The following APBB2 variants were observed in gnomAD, a reference collection of about 807,000 sequenced individuals.
APBB2 encodes amyloid beta precursor protein binding family B member 2.
Under a neutral mutation model 82.5 loss-of-function variants are expected in APBB2, and 38 were observed. That is an observed-to-expected ratio of 0.46 (90% CI 0.36 to 0.60). The LOEUF is 0.60. Ranked by LOEUF, APBB2 falls within the 20% of genes least tolerant of loss-of-function variation. The pLI, the probability that APBB2 is intolerant of heterozygous loss-of-function variation, is 0.00. For missense variants in APBB2, 772 were observed against 972.3 expected (o/e 0.79, Z 2.74); for synonymous variants, 341 against 368.2 (o/e 0.93, Z 0.85).
chr4:40,893,789 C>T (rs1246068591), intron 10 of APBB2, among the ~76,000 whole-genome samples: 2 of 152,008 alleles, frequency 1.3e-5, no homozygotes, highest in African/African-American at 4.8e-5. Flanking sequence ...GCCTGGCCAA[C>T]ATGGCGAAAC....
chr4:40,960,444 C>CA (rs1271055546), intron 6 of APBB2, among the ~76,000 whole-genome samples: 2 of 98,090 alleles, frequency 2.0e-5, no homozygotes, highest in East Asian at 3.6e-4. Flanking sequence ...AATTTTTTTT[C>CA]GGGTTTTTTT....
At chr4:41,066,136 GA>G (rs36009324) in intron 3 of APBB2, among the ~76,000 whole-genome samples, 8,823 of 104,452 alleles carry the variant, frequency 0.084, 555 homozygotes, top group African/African-American at 0.21. Flanking sequence ...ATGTTGATTG[GA>G]AAAAAAAAAA....
At chr4:41,211,538 A>G (rs1470235429) in intron 1 of APBB2, among the ~76,000 whole-genome samples, 1 of 151,914 alleles carries the variant, frequency 6.6e-6, no homozygotes, top group African/African-American at 2.4e-5. Context: ...GCTGGAGTGC[A>G]GTGGCGCGAT....
intron 6 of APBB2, among the ~76,000 whole-genome samples, chr4:41,004,951 T>C (rs565243823): frequency 1.3e-5 from 2 of 151,970 alleles, no homozygotes; most frequent in Admixed American, 1.3e-4. Context: ...ATTCTTGAAC[T>C]ATTGTTAACT....
At chr4:40,989,793 G>A (rs1207799806) in intron 6 of APBB2, among the ~76,000 whole-genome samples, 1 of 152,136 alleles carries the variant, frequency 6.6e-6, no homozygotes, top group Non-Finnish European at 1.5e-5. Flanking sequence ...GGGCAGTGTC[G>A]CAGACAACAT....
At position 41,210,761 on chromosome 4, in the gene APBB2, A is replaced by G. The variant is rs570143697; in HGVS notation, c.-417+3644T>C. 3.6e-4 allele frequency among the ~76,000 whole-genome samples: 55 copies of G among 152,366 alleles called. No homozygotes were observed. The South Asian group carries it at 9.5e-3, about 26-fold the overall frequency. On this transcript the variant is annotated intron_variant, in intron 1 of 17. Coordinates refer to ENST00000508593, the MANE Select transcript of APBB2 (RefSeq NM_004307.2). ...TAAATAACAAATCAAAGATGCTTTA[A>G]AAGAGAATGCTTACTGAATAATAAT...
At chr4:40,955,228 G>T (rs1421742463) in intron 6 of APBB2, among the ~76,000 whole-genome samples, 2 of 152,142 alleles carry the variant, frequency 1.3e-5, no homozygotes, top group African/African-American at 4.8e-5. Flanking sequence ...GCCAGCCTTG[G>T]GAAGGGACAA....
chr4:41,047,424 T>C (rs2063174), intron 4 of APBB2, among the ~76,000 whole-genome samples: 151,932 of 152,408 alleles, frequency 1, 75,729 homozygotes, highest in Middle Eastern at 1. Context: ...CACTTGTGGC[T>C]TGCCTATGGG....
intron 3 of APBB2, among the ~76,000 whole-genome samples, chr4:41,078,664 C>A (rs1560693161): frequency 6.6e-6 from 1 of 152,326 alleles, no homozygotes; most frequent in East Asian, 1.9e-4. Context: ...CAAGGAACAA[C>A]TGGCCGTCTT....
rs1334514088 is a variant in APBB2, at chr4:40,815,825, G to A, written c.*267C>T. 2.6e-6 allele frequency: 1 copy of A among 390,816 alleles called. No individual in the cohort carries two copies. The highest frequency in any genetic ancestry group is 4.7e-6 in the Non-Finnish European group (1 of 213,140). The allele number at this position is 390,816 out of a possible 1,614,324, so 24.2% of individuals were successfully genotyped here. A position where few individuals can be genotyped will look rare whatever the true frequency, so the allele number is the denominator to read the frequency against. On this transcript the variant is annotated 3_prime_UTR_variant, in exon 18 of 18. Transcript: ENST00000508593. ...CTTCTCTGTGTGTGTGTGAAGTTAA[G>A]TAATGTTCACAATATTTACAATAAG...
chr4:40,887,167 A>G (rs1245454260), intron 12 of APBB2, among the ~76,000 whole-genome samples: 4 of 152,200 alleles, frequency 2.6e-5, no homozygotes, highest in Non-Finnish European at 5.9e-5. Flanking sequence ...TGTCATAGCC[A>G]ATCACCTCCT....
At chr4:41,146,912 A>G (rs1430019283) in intron 1 of APBB2, among the ~76,000 whole-genome samples, 2 of 152,206 alleles carry the variant, frequency 1.3e-5, no homozygotes, top group Admixed American at 1.3e-4. Flanking sequence ...GAGAGCCCGA[A>G]CAAACACAAT....
At chr4:41,108,698 C>T (rs114072774) in intron 2 of APBB2, among the ~76,000 whole-genome samples, 21 of 152,332 alleles carry the variant, frequency 1.4e-4, no homozygotes, top group Non-Finnish European at 2.1e-4. Context: ...CTCACCCACC[C>T]CTGGCTGAGC....
At chr4:41,179,355 C>T (rs1770710017) in intron 1 of APBB2, among the ~76,000 whole-genome samples, 1 of 152,140 alleles carries the variant, frequency 6.6e-6, no homozygotes, top group Non-Finnish European at 1.5e-5. Flanking sequence ...TAAATCATAT[C>T]AACATATATA....
intron 2 of APBB2, among the ~76,000 whole-genome samples, chr4:41,121,561 C>A (rs1409430145): frequency 6.6e-6 from 1 of 152,146 alleles, no homozygotes; most frequent in Admixed American, 6.5e-5. Flanking sequence ...CCTGAGGTGT[C>A]CCCTAGGATG....
chr4:40,970,857 G>A (rs894670897), intron 6 of APBB2, among the ~76,000 whole-genome samples: 10 of 152,248 alleles, frequency 6.6e-5, no homozygotes, highest in African/African-American at 1.7e-4. Flanking sequence ...ATCACCTTAA[G>A]TCCAGCAAAA....
At chr4:40,879,738 C>T (rs916063689) in intron 12 of APBB2, among the ~76,000 whole-genome samples, 1 of 150,448 alleles carries the variant, frequency 6.6e-6, no homozygotes, top group African/African-American at 2.5e-5. Context: ...GTAGCCCAGG[C>T]TGGAGTGCAA....
At chr4:41,187,415 T>C (rs1773193242) in intron 1 of APBB2, among the ~76,000 whole-genome samples, 1 of 152,184 alleles carries the variant, frequency 6.6e-6, no homozygotes, top group Non-Finnish European at 1.5e-5. Flanking sequence ...GCTAATATTA[T>C]ACACACAAAC....
chr4:41,152,453 G>A (rs1034507791), intron 1 of APBB2, among the ~76,000 whole-genome samples: 5 of 151,914 alleles, frequency 3.3e-5, no homozygotes, highest in African/African-American at 9.7e-5. Context: ...CTCCCGAGTA[G>A]CTGGGACTAC....
Sources: gnomAD v4.1 joint callset for allele counts (sites outside exome capture counted in the v4.1 genomes callset) on GRCh38, gnomAD v4.1.1 for gene constraint, MANE v1.5 for transcripts, NCBI Gene and HGNC (gene_info 2026-07-23, HGNC 2026-07-21) for gene names.